ZGPAT: variants seen among roughly 807,000 people sequenced by gnomAD.
ZGPAT encodes the protein zinc finger CCCH-type and G-patch domain containing, also known as zinc finger CCCH-type with G patch domain-containing protein.
ZGPAT carries 39 observed loss-of-function variants against 47.9 expected under a neutral mutation model. The observed-to-expected ratio is 0.81, with a 90% CI of 0.63 to 1.06. The LOEUF (loss-of-function observed/expected upper bound fraction) is 1.06. Among genes scored for constraint, ZGPAT ranks in the 50% least tolerant of loss-of-function variants. The pLI, the probability that ZGPAT is intolerant of heterozygous loss-of-function variation, is 0.00. For missense variants in ZGPAT, 717 were observed against 681.4 expected (o/e 1.05, Z -0.58); for synonymous variants, 348 against 292.9 (o/e 1.19, Z -1.92).
In ZGPAT at chr20:63,735,355, C is replaced by A. The variant is rs776428194; in HGVS notation, c.1188C>A (p.Asp396Glu). The A allele has an allele frequency of 6.5e-7, 1 of 1,547,978 alleles. No homozygotes were observed. Among genetic ancestry groups the A allele is most frequent in the Non-Finnish European group, 8.7e-7 (1 of 1,151,112 alleles). The change falls in exon 6 of 7, where the codon GAC becomes GAA. Residue 396 changes from aspartate (D) to glutamate (E), a missense_variant. Asp to Glu is a conservative substitution (Grantham distance 45, BLOSUM62 2). Coordinates refer to ENST00000355969, the MANE Select transcript of ZGPAT (RefSeq NM_181485.3). ...GCCCAGCTCCTCGGAATGTGTTTGA[C>A]TTCCTCAATGAAAAGCTGCAAGGTC... is the stretch of plus-strand genomic sequence containing the variant. ...GGRPAPRNVF[D>E]FLNEKLQGQA...
chr20:63,707,653 G>A, upstream of ZGPAT: 1 of 152,394 alleles, frequency 6.6e-6, no homozygotes. Context: ...GCTGCTCCTG[G>A]AGTGCACCTG....
At chr20:63,711,344 G>A (rs1440677051) in intron 2 of ZGPAT, among the ~76,000 whole-genome samples, 1 of 152,078 alleles carries the variant, frequency 6.6e-6, no homozygotes, top group East Asian at 1.9e-4. Context: ...TCATTCATCT[G>A]TGCAACAGCC....
At chr20:63,734,419 A>G (rs948565694) in intron 4 of ZGPAT, 10 of 507,778 alleles carry the variant, frequency 2.0e-5, no homozygotes, top group African/African-American at 1.8e-4. Context: ...GGGCAGGGGC[A>G]GGAGAGGGCT....
intron 2 of ZGPAT, among the ~76,000 whole-genome samples, chr20:63,712,577 T>G (rs2091680331): frequency 7.6e-6 from 1 of 131,504 alleles, no homozygotes; most frequent in African/African-American, 2.8e-5. Context: ...TAGATCTGTT[T>G]GGGGCACATT....
At chr20:63,733,117 TCTCC>T (rs1401221386) in intron 2 of ZGPAT, 98 bp from the exon 3 acceptor site, 8 of 1,485,678 alleles carry the variant, frequency 5.4e-6, no homozygotes, top group African/African-American at 1.4e-5. Flanking sequence ...TGTGTGTCTG[TCTCC>T]CTCAGGACAG....
chr20:63,717,368 G>A (rs1601324263), intron 2 of ZGPAT, among the ~76,000 whole-genome samples: 1 of 70,268 alleles, frequency 1.4e-5, no homozygotes, highest in African/African-American at 5.8e-5. Flanking sequence ...GGTTGCTGTT[G>A]AGATGGAGTC....
Position 63,708,694 on chromosome 20 carries a change from G to C in ZGPAT, c.114G>C (p.Gln38His). 1 of 1,612,812 alleles carries C rather than the reference G, an allele frequency of 6.2e-7. No homozygotes were observed. The highest frequency in any genetic ancestry group is 1.1e-5 in the South Asian group (1 of 91,090). Residue 38 changes from glutamine (Q) to histidine (H), a missense_variant, in exon 2 of 7, where the codon CAG becomes CAC. Coordinates refer to ENST00000355969, the MANE Select transcript of ZGPAT (RefSeq NM_181485.3). ...LDSSEQADLR[Q>H]LQGDLKELIE... Reference sequence around the variant, plus strand: ...CGTCTGAGCAGGCTGACCTGCGCCAGCTGCAGGGGGACCTGAAGGAGCTCA... The same window carrying C: ...CGTCTGAGCAGGCTGACCTGCGCCACCTGCAGGGGGACCTGAAGGAGCTCA...
intron 2 of ZGPAT, among the ~76,000 whole-genome samples, chr20:63,714,059 GT>G (rs1009209701): frequency 6.6e-5 from 10 of 151,936 alleles, no homozygotes; most frequent in African/African-American, 1.9e-4. Flanking sequence ...TTTGTTTCTA[GT>G]TTGCATGGCA....
chr20:63,727,713 T>C (rs1482836484), intron 2 of ZGPAT, among the ~76,000 whole-genome samples: 1 of 151,418 alleles, frequency 6.6e-6, no homozygotes, highest in Non-Finnish European at 1.5e-5. Context: ...TCCTGAATCA[T>C]TGCCATCATA....
chr20:63,728,500 C>CTGA (rs1444466087), intron 2 of ZGPAT, among the ~76,000 whole-genome samples: 4 of 152,186 alleles, frequency 2.6e-5, no homozygotes, highest in African/African-American at 9.7e-5. Context: ...TTCAGCCAGC[C>CTGA]CCTCTCTCTT....
intron 2 of ZGPAT, chr20:63,730,107 G>A (rs2091882786): frequency 6.6e-6 from 1 of 151,916 alleles, no homozygotes; most frequent in Non-Finnish European, 1.5e-5. Context: ...TTTTAATATT[G>A]TCAAATATTC....
At chr20:63,733,198 C>T in intron 2 of ZGPAT, 21 bp from the exon 3 acceptor site, 1 of 1,609,766 alleles carries the variant, frequency 6.2e-7, no homozygotes. Flanking sequence ...TGAGCCCTGC[C>T]CCTTACGGCT....
intron 2 of ZGPAT, among the ~76,000 whole-genome samples, chr20:63,716,219 A>G (rs1437420680): frequency 6.6e-6 from 1 of 152,108 alleles, no homozygotes; most frequent in East Asian, 1.9e-4. Context: ...TAGTAGGAAC[A>G]GCATTTCACC....
chr20:63,732,221 TTGGG>T (rs139615886), intron 2 of ZGPAT, among the ~76,000 whole-genome samples: 29,478 of 142,720 alleles, frequency 0.21, 3,657 homozygotes, highest in East Asian at 0.62. Flanking sequence ...GTGTGCATGT[TTGGG>T]TGCGGGTGCA....
chr20:63,732,061 C>G (rs1224380932), intron 2 of ZGPAT, among the ~76,000 whole-genome samples: 2 of 151,910 alleles, frequency 1.3e-5, no homozygotes, highest in Non-Finnish European at 2.9e-5. Flanking sequence ...TGTGTATATG[C>G]ATGTGTGTAT....
rs565055808 is a variant in ZGPAT, at chr20:63,723,141, A to G, written c.585-10078A>G. Among the ~76,000 whole-genome samples the G allele has an allele frequency of 6.2e-5, 9 of 144,202 alleles. No homozygotes were observed. In the South Asian group the frequency reaches 2.0e-3, roughly 32 times the overall value. The allele number at this position is 144,202 out of a possible 152,430, so 94.6% of individuals were successfully genotyped here. On this transcript the variant is annotated intron_variant, in intron 2 of 6. Coordinates refer to ENST00000355969, the MANE Select transcript of ZGPAT (RefSeq NM_181485.3). ...GCTCCATCCTCCCTTCTCCTCTGAC[A>G]TAGCTCCATCCTCCCTTCTCCTATG...
intron 2 of ZGPAT, among the ~76,000 whole-genome samples, chr20:63,727,204 T>C (rs2091853716): frequency 6.6e-6 from 1 of 151,700 alleles, no homozygotes; most frequent in African/African-American, 2.4e-5. Context: ...TGATTGTCCT[T>C]TTTAACTCTG....
intron 2 of ZGPAT, among the ~76,000 whole-genome samples, chr20:63,728,033 A>C (rs993792523): frequency 1.4e-5 from 2 of 146,954 alleles, no homozygotes; most frequent in Admixed American, 6.9e-5. Context: ...CAGATTTTTA[A>C]ATTCTTTTTT....
chr20:63,709,497 C>T (rs546635889), intron 2 of ZGPAT, among the ~76,000 whole-genome samples: 1 of 152,120 alleles, frequency 6.6e-6, no homozygotes, highest in African/African-American at 2.4e-5. Flanking sequence ...ATGAACCGGT[C>T]GTGGTGGCGC....
Sources: allele counts gnomAD v4.1 joint callset (sites outside exome capture counted in the v4.1 genomes callset), GRCh38; gene constraint gnomAD v4.1.1; transcripts MANE v1.5; gene names NCBI Gene and HGNC (gene_info 2026-07-23, HGNC 2026-07-21).